Variants in CSMD1 observed in about 807,000 individuals in gnomAD.
CSMD1 encodes the protein CUB and Sushi multiple domains 1, also known as CUB and sushi domain-containing protein 1.
In CSMD1, 213 loss-of-function variants were observed where a neutral mutation model predicts 417.5. The observed-to-expected ratio is 0.51, with a 90% CI of 0.46 to 0.57. CSMD1 has a LOEUF of 0.57. Among genes scored for constraint, CSMD1 ranks in the 20% least tolerant of loss-of-function variants. The pLI is 0.00. For synonymous variants in CSMD1, 2,862 were observed against 1,736.8 expected, an observed-to-expected ratio of 1.65 and a Z score of -16.11; for missense variants, 6,923 against 4,529.7, an observed-to-expected ratio of 1.53 and a Z score of -15.17.
At chr8:3,234,412 C>G (rs972200560) in intron 26 of CSMD1, among the ~76,000 whole-genome samples, 2 of 152,162 alleles carry the variant, frequency 1.3e-5, no homozygotes, top group Non-Finnish European at 2.9e-5. Context: ...CATCATTCTT[C>G]TCGTCATTAT....
chr8:4,059,148 C>A (rs1337130918), intron 3 of CSMD1, among the ~76,000 whole-genome samples: 1 of 152,190 alleles, frequency 6.6e-6, no homozygotes, highest in Non-Finnish European at 1.5e-5. Flanking sequence ...TCACTCAGAA[C>A]CGCTTAACTA....
intron 21 of CSMD1, among the ~76,000 whole-genome samples, chr8:3,350,998 A>G (rs973087831): frequency 1.3e-5 from 2 of 152,226 alleles, no homozygotes; most frequent in African/African-American, 4.8e-5. Context: ...CCTTTTAGAA[A>G]AAATCAAGGC....
intron 3 of CSMD1, among the ~76,000 whole-genome samples, chr8:4,302,903 C>G (rs1401415512): frequency 6.6e-6 from 1 of 152,040 alleles, no homozygotes; most frequent in Admixed American, 6.6e-5. Flanking sequence ...TTCATATTAA[C>G]TCAAAAGACA....
At chr8:4,798,923 T>C (rs1457179) in intron 1 of CSMD1, among the ~76,000 whole-genome samples, 54,364 of 152,046 alleles carry the variant, frequency 0.36, 10,621 homozygotes, top group Admixed American at 0.46. Context: ...CAGCAACTGT[T>C]TGCATCGGCC....
At chr8:4,663,651 A>C (rs1804746768) in intron 1 of CSMD1, among the ~76,000 whole-genome samples, 3 of 152,128 alleles carry the variant, frequency 2.0e-5, no homozygotes, top group Non-Finnish European at 4.4e-5. Context: ...TGATTGTTTT[A>C]AGTTCCCTGA....
At chr8:4,189,470 C>A (rs865824259) in intron 3 of CSMD1, among the ~76,000 whole-genome samples, 1 of 151,976 alleles carries the variant, frequency 6.6e-6, no homozygotes, top group South Asian at 2.1e-4. Context: ...AAAAGAAAAA[C>A]AAAATTTTTC....
At position 3,353,337 on chromosome 8, in the gene CSMD1, A is replaced by G. The variant is rs543403736; in HGVS notation, c.3305-5176T>C. Among the ~76,000 whole-genome samples the G allele has an allele frequency of 1.2e-4, 19 of 152,320 alleles. No individual in the cohort carries two copies. The East Asian group carries it at 3.7e-3, about 29-fold the overall frequency. ...AATTAAATCAGAAGAATTCTTGCGG[A>G]AGCTTCTTATCTCCATTCCTATCTG... On this transcript the variant is annotated intron_variant, in intron 21 of 69. Transcript: ENST00000635120.
intron 9 of CSMD1, among the ~76,000 whole-genome samples, chr8:3,576,929 A>G (rs1385834897): frequency 6.6e-6 from 1 of 152,258 alleles, no homozygotes; most frequent in African/African-American, 2.4e-5. Context: ...AACAGCTGTT[A>G]TAAACATCAT....
intron 7 of CSMD1, among the ~76,000 whole-genome samples, chr8:3,703,443 CATT>C (rs1800986183): frequency 1.7e-5 from 1 of 59,558 alleles, no homozygotes; most frequent in African/African-American, 5.8e-5. Flanking sequence ...CCTTTTCATT[CATT>C]CATTCATTCA....
Position 4,280,634 on chromosome 8 carries a change from A to T in CSMD1, c.415+139319T>A, listed in dbSNP as rs117497153. On this transcript the variant is annotated intron_variant, in intron 3 of 69. Coordinates refer to ENST00000635120, the MANE Select transcript of CSMD1 (RefSeq NM_033225.6). ...AACCTATGTTGATAATAACTTTGTA[A>T]ATAAATTTTAAGGCTTGTGTGAATC... 8.2e-3 allele frequency among the ~76,000 whole-genome samples: 1,247 copies of T among 152,338 alleles called. 6 individuals carry two copies. Among genetic ancestry groups the T allele is most frequent in the Non-Finnish European group, 0.011 (774 of 68,032 alleles).
In CSMD1 at chr8:3,335,368, C is replaced by T. The variant is rs964897019; in HGVS notation, c.3631+7926G>A. On this transcript the variant is annotated intron_variant, in intron 23 of 69. Coordinates refer to ENST00000635120, the MANE Select transcript of CSMD1 (RefSeq NM_033225.6). ...TGTGTGTCCCAACGACACAAATGGTCTCACATTTCATATAAGAAGAAAGGT... is the reference window on the plus strand; with the variant it reads ...TGTGTGTCCCAACGACACAAATGGTTTCACATTTCATATAAGAAGAAAGGT... 3.9e-5 allele frequency among the ~76,000 whole-genome samples: 6 copies of T among 152,182 alleles called. No individual in the cohort carries two copies. The East Asian group carries it at 7.7e-4, about 20-fold the overall frequency.
intron 5 of CSMD1, among the ~76,000 whole-genome samples, chr8:3,938,079 G>A (rs1426621639): frequency 4.6e-5 from 7 of 152,064 alleles, no homozygotes; most frequent in African/African-American, 1.7e-4. Flanking sequence ...GATTACACAG[G>A]ATCGTGTAGT....
At chr8:4,446,264 C>A (rs1233854209) in intron 2 of CSMD1, among the ~76,000 whole-genome samples, 1 of 152,140 alleles carries the variant, frequency 6.6e-6, no homozygotes, top group Non-Finnish European at 1.5e-5. Context: ...AAGAGTGGAC[C>A]CAGCTGGGAG....
chr8:3,057,998 C>T (rs79074267), intron 49 of CSMD1, among the ~76,000 whole-genome samples: 5,904 of 152,210 alleles, frequency 0.039, 392 homozygotes, highest in African/African-American at 0.14. Context: ...ATCCACGCCG[C>T]CCAGTCGGCT....
At chr8:4,132,472 A>C (rs749323181) in intron 3 of CSMD1, among the ~76,000 whole-genome samples, 5 of 152,166 alleles carry the variant, frequency 3.3e-5, no homozygotes, top group Non-Finnish European at 5.9e-5. Flanking sequence ...TTTTACTTTA[A>C]CAGGAACATG....
At chr8:3,195,714 C>G (rs1043224500) in intron 33 of CSMD1, among the ~76,000 whole-genome samples, 7 of 152,106 alleles carry the variant, frequency 4.6e-5, no homozygotes, top group South Asian at 4.1e-4. Context: ...TGTGAACACT[C>G]GAGGAATTCC....
chr8:4,258,853 G>A (rs1315425528), intron 3 of CSMD1, among the ~76,000 whole-genome samples: 3 of 152,058 alleles, frequency 2.0e-5, no homozygotes, highest in Non-Finnish European at 2.9e-5. Flanking sequence ...CATGGACAAC[G>A]GCTGCAAAAG....
chr8:4,389,992 T>G (rs1046639812), intron 3 of CSMD1, among the ~76,000 whole-genome samples: 1 of 152,330 alleles, frequency 6.6e-6, no homozygotes, highest in East Asian at 1.9e-4. Flanking sequence ...TAGGAATATT[T>G]TTTAACTTTC....
rs570249751 is a variant in CSMD1 at position 4,679,754 on chromosome 8, T to G, written c.86-42196A>C. Among the ~76,000 whole-genome samples the G allele has an allele frequency of 7.9e-5, 12 of 152,314 alleles. No individual in the cohort carries two copies. The East Asian group carries it at 1.9e-3, about 24-fold the overall frequency. On this transcript the variant is annotated intron_variant, in intron 1 of 69. Coordinates refer to ENST00000635120, the MANE Select transcript of CSMD1 (RefSeq NM_033225.6). ...TTAGTTTCTGTAACTACTTATTTCT[T>G]TAAATGAAGCTTTATGCTAAGTAAT...
Sources: allele counts gnomAD v4.1 joint callset (sites outside exome capture counted in the v4.1 genomes callset), GRCh38; gene constraint gnomAD v4.1.1; transcripts MANE v1.5; gene names NCBI Gene and HGNC (gene_info 2026-07-23, HGNC 2026-07-21).